Variants in LRRC7 observed in about 807,000 individuals in gnomAD.
The protein encoded by LRRC7 is leucine-rich repeat-containing protein 7.
A neutral mutation model predicts 175.7 loss-of-function variants in LRRC7; 23 were observed. The observed-to-expected ratio is 0.13, with a 90% CI of 0.09 to 0.19. The LOEUF (loss-of-function observed/expected upper bound fraction) is 0.19. Ranked by LOEUF, LRRC7 falls within the 10% of genes least tolerant of loss-of-function variation. The pLI, the probability that LRRC7 is intolerant of heterozygous loss-of-function variation, is 1.00. For synonymous variants in LRRC7, 685 were observed against 680.9 expected (o/e 1.01, Z -0.09); for missense variants, 1,354 against 1,904.7 (o/e 0.71, Z 5.38).
At chr1:70,041,632 T>A (rs767187210) in intron 21 of LRRC7, among the ~76,000 whole-genome samples, 6 of 152,232 alleles carry the variant, frequency 3.9e-5, no homozygotes, top group Non-Finnish European at 8.8e-5. Context: ...CAGGGTAAGA[T>A]GAACTAGTCA....
rs549431590 is a variant in LRRC7 at position 69,569,013 on chromosome 1, C to T, written c.2+372C>T. On this transcript the variant is annotated intron_variant, in intron 1 of 26. Coordinates refer to ENST00000651989, the MANE Select transcript of LRRC7 (RefSeq NM_001370785.2). ...TCCTCGTTATTATCTTGGGTATCTC[C>T]AGTCAGCTTTTTTCCCAGAGGTGTC... Among the ~76,000 whole-genome samples the T allele has an allele frequency of 1.1e-3, 163 of 152,256 alleles. 1 individual carries two copies. Among genetic ancestry groups the T allele is most frequent in the African/African-American group, 3.5e-3 (146 of 41,546 alleles).
intron 8 of LRRC7, among the ~76,000 whole-genome samples, chr1:69,975,898 T>C (rs1652766114): frequency 6.6e-6 from 1 of 152,082 alleles, no homozygotes; most frequent in Non-Finnish European, 1.5e-5. Flanking sequence ...TACTCAGTTT[T>C]TTTTTTTGTA....
chr1:69,655,461 G>T (rs1212170058), intron 1 of LRRC7, among the ~76,000 whole-genome samples: 1 of 151,858 alleles, frequency 6.6e-6, no homozygotes, highest in African/African-American at 2.4e-5. Flanking sequence ...CAGAAAGATG[G>T]GAAAGGCAAA....
chr1:69,587,941 G>A lies in LRRC7; in HGVS notation c.2+19300G>A, dbSNP rs538820666. ...GGTATCTTTATAGCAGTGTTAGAATGGACTAATACGCCTTCCTATGTGCAT... is the reference window on the plus strand; with the variant it reads ...GGTATCTTTATAGCAGTGTTAGAATAGACTAATACGCCTTCCTATGTGCAT... On this transcript the variant is annotated intron_variant, in intron 1 of 26. Coordinates refer to ENST00000651989, the MANE Select transcript of LRRC7 (RefSeq NM_001370785.2). Among the ~76,000 whole-genome samples the A allele has an allele frequency of 1.6e-4, 25 of 152,216 alleles. No homozygotes were observed. In the East Asian group the frequency reaches 3.9e-3, roughly 24 times the overall value.
At chr1:69,755,578 TACA>T (rs1272728198) in intron 2 of LRRC7, among the ~76,000 whole-genome samples, 1 of 151,486 alleles carries the variant, frequency 6.6e-6, no homozygotes, top group African/African-American at 2.4e-5. Flanking sequence ...ATATATATAG[TACA>T]AGTTGCAAAG....
rs1178233442 is a variant in LRRC7 at position 70,052,916 on chromosome 1, T to C, written c.4111-110T>C. On this transcript the variant is annotated intron_variant, in intron 22 of 26. Coordinates refer to ENST00000651989, the MANE Select transcript of LRRC7 (RefSeq NM_001370785.2). ...ATTTGCAGTTCAGGATGTATGTTTT[T>C]CTGCAATTAAACAAAATTAATTTTA... The C allele has an allele frequency of 3.6e-6, 4 of 1,123,912 alleles. No homozygotes were observed. In the African/African-American group the frequency reaches 6.3e-5, roughly 18 times the overall value. The allele number at this position is 1,123,912 out of a possible 1,614,324, so 69.6% of individuals were successfully genotyped here.
Position 70,132,508 on chromosome 1 carries a change from A to G in LRRC7, c.*10621A>G, listed in dbSNP as rs1427412333. Among the ~76,000 whole-genome samples the G allele has an allele frequency of 8.6e-6, 1 of 115,784 alleles. No individual in the cohort carries two copies. The highest frequency in any genetic ancestry group is 1.6e-5 in the Non-Finnish European group (1 of 62,056). The allele number at this position is 115,784 out of a possible 152,430, so 76.0% of individuals were successfully genotyped here. A position where few individuals can be genotyped will look rare whatever the true frequency, so the allele number is the denominator to read the frequency against. ...TGAGACGGAGTCTCACTCTGTCATC[A>G]GGCTGGAGGCTGGAGTGCAGTGGCA... On this transcript the variant is annotated 3_prime_UTR_variant, in exon 27 of 27. Coordinates refer to ENST00000651989, the MANE Select transcript of LRRC7 (RefSeq NM_001370785.2).
At chr1:69,817,763 A>G (rs1398929677) in intron 4 of LRRC7, among the ~76,000 whole-genome samples, 2 of 152,124 alleles carry the variant, frequency 1.3e-5, no homozygotes, top group Non-Finnish European at 2.9e-5. Context: ...CTCCGTGAAT[A>G]CATGATATCT....
At chr1:69,854,952 T>C (rs1237725349) in intron 7 of LRRC7, among the ~76,000 whole-genome samples, 1 of 152,174 alleles carries the variant, frequency 6.6e-6, no homozygotes, top group Admixed American at 6.6e-5. Flanking sequence ...CAAATCTTTT[T>C]CAACTCTTAA....
rs1176691177 is a variant in LRRC7 at position 69,853,255 on chromosome 1, C to CTTT, written c.647+14975_647+14977dup. Among the ~76,000 whole-genome samples, 538 of 105,032 alleles carry CTTT rather than the reference C, an allele frequency of 5.1e-3. 4 individuals are homozygous for CTTT. Among genetic ancestry groups the CTTT allele is most frequent in the African/African-American group, 0.016 (476 of 29,534 alleles). 68.9% of individuals were successfully genotyped at this position (105,032 alleles called of 152,430 possible). A position where few individuals can be genotyped will look rare whatever the true frequency, so the allele number is the denominator to read the frequency against. On this transcript the variant is annotated intron_variant, in intron 7 of 26. Transcript: ENST00000651989. Reference sequence around the variant, plus strand: ...AAATTAGCACCTTCCATTTGTTTCTCTTTTTCCTTTCTTTCTTTTTTTTTT... The same window carrying CTTT: ...AAATTAGCACCTTCCATTTGTTTCTCTTTTTTTTCCTTTCTTTCTTTTTTTTTT...
intron 7 of LRRC7, among the ~76,000 whole-genome samples, chr1:69,879,180 C>T (rs1271663261): frequency 7.2e-6 from 1 of 139,800 alleles, no homozygotes; most frequent in Non-Finnish European, 1.5e-5. Flanking sequence ...CTGTGCTTTC[C>T]TCTCAATTTT....
At chr1:70,090,376 C>T (rs1663933652) in intron 25 of LRRC7, among the ~76,000 whole-genome samples, 1 of 152,008 alleles carries the variant, frequency 6.6e-6, no homozygotes, top group Non-Finnish European at 1.5e-5. Flanking sequence ...TTAGGTCCTC[C>T]TCTCATACTT....
intron 1 of LRRC7, among the ~76,000 whole-genome samples, chr1:69,606,647 T>C (rs1647633192): frequency 6.6e-6 from 1 of 152,098 alleles, no homozygotes; most frequent in South Asian, 2.1e-4. Flanking sequence ...CTAGATTTAT[T>C]AAAGGCTTAA....
intron 1 of LRRC7, among the ~76,000 whole-genome samples, chr1:69,579,548 T>C (rs938351649): frequency 1.3e-5 from 2 of 152,112 alleles, no homozygotes; most frequent in African/African-American, 4.8e-5. Context: ...ACTCACTGGA[T>C]ATTTTATCCC....
At chr1:70,110,630 C>T (rs1415277447) in intron 26 of LRRC7, among the ~76,000 whole-genome samples, 2 of 152,148 alleles carry the variant, frequency 1.3e-5, no homozygotes, top group African/African-American at 4.8e-5. Context: ...CTTCTCTCCA[C>T]AAATGACTAT....
intron 24 of LRRC7, among the ~76,000 whole-genome samples, chr1:70,078,217 T>TA (rs1053942014): frequency 6.6e-6 from 1 of 152,068 alleles, no homozygotes. Flanking sequence ...TATGTATCAA[T>TA]AAAAAAGACT....
chr1:69,929,361 C>T (rs1347845367), intron 7 of LRRC7, among the ~76,000 whole-genome samples: 1 of 152,204 alleles, frequency 6.6e-6, no homozygotes, highest in Non-Finnish European at 1.5e-5. Context: ...ACACCTAAAA[C>T]TGAACTTCCA....
chr1:69,918,867 T>C (rs1646797089), intron 7 of LRRC7, among the ~76,000 whole-genome samples: 1 of 152,184 alleles, frequency 6.6e-6, no homozygotes, highest in Non-Finnish European at 1.5e-5. Context: ...TAAAACCCTA[T>C]GGGACAGCTT....
intron 7 of LRRC7, among the ~76,000 whole-genome samples, chr1:69,888,390 T>C (rs1359675965): frequency 2.6e-5 from 4 of 152,252 alleles, no homozygotes; most frequent in Non-Finnish European, 5.9e-5. Context: ...TCCAGGTGCG[T>C]CCGTCACCCC....
Sources: allele counts gnomAD v4.1 joint callset (sites outside exome capture counted in the v4.1 genomes callset), GRCh38; gene constraint gnomAD v4.1.1; transcripts MANE v1.5; gene names NCBI Gene and HGNC (gene_info 2026-07-23, HGNC 2026-07-21).